The following EFL1 variants were observed in gnomAD, a reference collection of about 807,000 sequenced individuals.
The protein encoded by EFL1 is elongation factor-like GTPase 1.
A neutral mutation model predicts 126.7 loss-of-function variants in EFL1; 76 were observed. The observed-to-expected ratio is 0.60, with a 90% CI of 0.50 to 0.73. The LOEUF (loss-of-function observed/expected upper bound fraction) is 0.73. Ranked by LOEUF, EFL1 falls within the 30% of genes least tolerant of loss-of-function variation. EFL1 has a pLI of 0.00. For synonymous variants in EFL1, 410 were observed against 448.4 expected (o/e 0.91, Z 1.08); for missense variants, 1,128 against 1,343.2 (o/e 0.84, Z 2.50).
intron 7 of EFL1, among the ~76,000 whole-genome samples, chr15:82,235,672 A>T (rs1948741): frequency 0.22 from 33,040 of 152,010 alleles, 3,953 homozygotes; most frequent in South Asian, 0.4. Flanking sequence ...CATTCAGAAA[A>T]ATAAGAATAT....
At chr15:82,182,922 G>A (rs1347832662) in intron 15 of EFL1, among the ~76,000 whole-genome samples, 3 of 152,248 alleles carry the variant, frequency 2.0e-5, no homozygotes, top group South Asian at 2.1e-4. Flanking sequence ...ACCAGCGTAC[G>A]AACAATCGTG....
At chr15:82,186,821 C>T (rs2074308500) in intron 15 of EFL1, among the ~76,000 whole-genome samples, 1 of 152,104 alleles carries the variant, frequency 6.6e-6, no homozygotes, top group Non-Finnish European at 1.5e-5. Flanking sequence ...CTTCACAGTA[C>T]TTGAGTCCTC....
At chr15:82,177,042 G>A (rs1232369762) in intron 15 of EFL1, among the ~76,000 whole-genome samples, 2 of 152,162 alleles carry the variant, frequency 1.3e-5, no homozygotes, top group Non-Finnish European at 2.9e-5. Context: ...TTAAAATCAG[G>A]TAAATCTAAT....
At chr15:82,184,901 T>C (rs1008083190) in intron 15 of EFL1, among the ~76,000 whole-genome samples, 1 of 152,204 alleles carries the variant, frequency 6.6e-6, no homozygotes, top group Non-Finnish European at 1.5e-5. Flanking sequence ...TTTGAGGATT[T>C]AGAGACAAGA....
intron 15 of EFL1, among the ~76,000 whole-genome samples, chr15:82,168,615 C>T (rs960107199): frequency 2.0e-5 from 3 of 152,128 alleles, no homozygotes; most frequent in Non-Finnish European, 2.9e-5. Flanking sequence ...GGGGTTCCAG[C>T]GATTCTCCCA....
intron 15 of EFL1, among the ~76,000 whole-genome samples, chr15:82,180,363 AAAAAAAAAAC>A (rs1364742172): frequency 3.2e-3 from 345 of 107,864 alleles, no homozygotes; most frequent in Admixed American, 5.0e-3. Context: ...AACTGGCAAA[AAAAAAAAAAC>A]AAAAAAAAAA....
Position 82,138,805 on chromosome 15 carries a change from C to G in EFL1, c.3027G>C (p.Arg1009=). The G allele has an allele frequency of 1.9e-6, 3 of 1,613,734 alleles. No homozygotes were observed. Among genetic ancestry groups the G allele is most frequent in the Non-Finnish European group, 1.7e-6 (2 of 1,179,830 alleles). ...VYAVLSKREG[R]VLQEEMKEGT... Reference sequence around the variant, plus strand: ...CTTCTTTCATTTCTTCTTGAAGTACCCGACCTTCTCTCTTTGACAAGACAG... The same window carrying G: ...CTTCTTTCATTTCTTCTTGAAGTACGCGACCTTCTCTCTTTGACAAGACAG... Residue 1009 remains arginine (R), a synonymous_variant, in exon 19 of 20, where the codon CGG becomes CGC. Coordinates refer to ENST00000268206, the MANE Select transcript of EFL1 (RefSeq NM_024580.6).
intron 15 of EFL1, among the ~76,000 whole-genome samples, chr15:82,172,692 C>A (rs995210261): frequency 6.6e-6 from 1 of 152,146 alleles, no homozygotes; most frequent in African/African-American, 2.4e-5. Flanking sequence ...TGAAAACAAG[C>A]TGTTCAACAT....
chr15:82,138,407 TGAG>T (rs1188946615), intron 19 of EFL1, among the ~76,000 whole-genome samples: 3 of 147,728 alleles, frequency 2.0e-5, no homozygotes, highest in African/African-American at 7.5e-5. Context: ...AAAGGACAAA[TGAG>T]AGAGAGAGAG....
chr15:82,256,211 T>C (rs1368041183), intron 3 of EFL1, among the ~76,000 whole-genome samples: 1 of 152,174 alleles, frequency 6.6e-6, no homozygotes, highest in African/African-American at 2.4e-5. Context: ...CCTGGGTTTA[T>C]GCAACTGTCC....
At chr15:82,230,684 G>A (rs941925144) in intron 8 of EFL1, among the ~76,000 whole-genome samples, 164 bp downstream of exon 8, 12 of 152,118 alleles carry the variant, frequency 7.9e-5, no homozygotes, top group Non-Finnish European at 1.0e-4. Context: ...AATAATACCT[G>A]TATATGGACT....
At position 82,262,717 on chromosome 15, in the gene EFL1, C is replaced by A; in HGVS notation, c.-123G>T. ...CTGCGGGTCCGACACGCCCGCGCGCCAGGGGGCGGGGCCGGCTGTCGCTCG... is the reference window on the plus strand; with the variant it reads ...CTGCGGGTCCGACACGCCCGCGCGCAAGGGGGCGGGGCCGGCTGTCGCTCG... On this transcript the variant is annotated 5_prime_UTR_variant, in exon 1 of 20. Coordinates refer to ENST00000268206, the MANE Select transcript of EFL1 (RefSeq NM_024580.6). 1 of 821,662 alleles carries A rather than the reference C, an allele frequency of 1.2e-6. No individual in the cohort carries two copies. The highest frequency in any genetic ancestry group is 1.8e-6 in the Non-Finnish European group (1 of 548,632). 50.9% of individuals were successfully genotyped at this position (821,662 alleles called of 1,614,324 possible). A position where few individuals can be genotyped will look rare whatever the true frequency, so the allele number is the denominator to read the frequency against.
At chr15:82,186,276 T>C (rs2141265709) in intron 15 of EFL1, among the ~76,000 whole-genome samples, 2 of 152,316 alleles carry the variant, frequency 1.3e-5, no homozygotes, top group South Asian at 4.1e-4. Flanking sequence ...CTTTCCATCT[T>C]TAATTAATAT....
At chr15:82,230,263 T>C (rs943082532) in intron 8 of EFL1, among the ~76,000 whole-genome samples, 2 of 152,310 alleles carry the variant, frequency 1.3e-5, no homozygotes, top group East Asian at 1.9e-4. Flanking sequence ...CTCAAAGCAA[T>C]GTATATGATT....
chr15:82,230,533 C>T (rs1289858601), intron 8 of EFL1, among the ~76,000 whole-genome samples: 1 of 151,478 alleles, frequency 6.6e-6, no homozygotes, highest in Non-Finnish European at 1.5e-5. Flanking sequence ...GTGACAGGGA[C>T]AAACAAATGC....
intron 15 of EFL1, among the ~76,000 whole-genome samples, chr15:82,189,038 CA>C (rs2074330827): frequency 6.6e-6 from 1 of 151,376 alleles, no homozygotes; most frequent in Non-Finnish European, 1.5e-5. Flanking sequence ...TCTGTGAACA[CA>C]GAGTATACTT....
intron 18 of EFL1, among the ~76,000 whole-genome samples, chr15:82,146,764 G>T (rs905902288): frequency 6.6e-6 from 1 of 152,122 alleles, no homozygotes. Flanking sequence ...CACAGTTGCC[G>T]CACGCAGGGT....
At chr15:82,207,307 T>TACACACAC (rs1555429173) in intron 15 of EFL1, among the ~76,000 whole-genome samples, 74 of 145,430 alleles carry the variant, frequency 5.1e-4, no homozygotes, top group African/African-American at 1.4e-3. Flanking sequence ...TATATATATA[T>TACACACAC]ACACACACAC....
intron 4 of EFL1, among the ~76,000 whole-genome samples, chr15:82,247,118 T>G (rs1334820540): frequency 3.3e-5 from 5 of 151,934 alleles, no homozygotes; most frequent in Non-Finnish European, 7.4e-5. Context: ...AAAGAGGCTG[T>G]GGGGAGTCAA....
Sources: gnomAD v4.1 joint callset for allele counts (sites outside exome capture counted in the v4.1 genomes callset) on GRCh38, gnomAD v4.1.1 for gene constraint, MANE v1.5 for transcripts, NCBI Gene and HGNC (gene_info 2026-07-23, HGNC 2026-07-21) for gene names.